Variants in MBOAT2 observed in about 807,000 individuals in gnomAD.
MBOAT2 encodes the protein membrane-bound glycerophospholipid O-acyltransferase 2.
MBOAT2 carries 28 observed loss-of-function variants against 63.4 expected under a neutral mutation model. That is an observed-to-expected ratio of 0.44 (90% confidence interval 0.33 to 0.61). MBOAT2 has a LOEUF of 0.61. Ranked by LOEUF, MBOAT2 falls within the 20% of genes least tolerant of loss-of-function variation. The probability of loss-of-function intolerance (pLI) is 0.03; values close to 1 mark genes in which losing one functional copy is unlikely to be tolerated. For missense variants in MBOAT2, 470 were observed against 605.8 expected, an observed-to-expected ratio of 0.78 and a Z score of 2.35; for synonymous variants, 211 against 215.6, an observed-to-expected ratio of 0.98 and a Z score of 0.19.
chr2:8,896,837 T>TA (rs1664514332), intron 4 of MBOAT2, among the ~76,000 whole-genome samples: 1 of 152,240 alleles, frequency 6.6e-6, no homozygotes, highest in South Asian at 2.1e-4. Context: ...AGGAACCATC[T>TA]ATCTCCTGTC....
At chr2:8,976,046 G>A (rs886096281) in intron 1 of MBOAT2, among the ~76,000 whole-genome samples, 3 of 151,988 alleles carry the variant, frequency 2.0e-5, no homozygotes, top group African/African-American at 7.2e-5. Context: ...TTCCTCCCCA[G>A]ACAACAGCAC....
intron 3 of MBOAT2, among the ~76,000 whole-genome samples, chr2:8,939,989 C>A (rs1342059611): frequency 6.6e-6 from 1 of 152,106 alleles, no homozygotes; most frequent in Non-Finnish European, 1.5e-5. Context: ...TTACTTAAAA[C>A]AGCATGCTCA....
At chr2:8,961,167 G>A (rs1251094780) in intron 1 of MBOAT2, among the ~76,000 whole-genome samples, 1 of 152,138 alleles carries the variant, frequency 6.6e-6, no homozygotes, top group Non-Finnish European at 1.5e-5. Context: ...TGGGCAAAAG[G>A]AATGAACAAT....
chr2:8,956,472 G>T (rs1426499891), intron 2 of MBOAT2, among the ~76,000 whole-genome samples: 1 of 152,162 alleles, frequency 6.6e-6, no homozygotes, highest in Non-Finnish European at 1.5e-5. Context: ...AAGTCGAGCT[G>T]GGCAGACTGC....
chr2:8,956,429 A>C (rs1669227310), intron 2 of MBOAT2, among the ~76,000 whole-genome samples: 1 of 152,244 alleles, frequency 6.6e-6, no homozygotes, highest in Admixed American at 6.5e-5. Flanking sequence ...GGCTGGGCAC[A>C]GTGGCTCATA....
chr2:8,887,388 G>A (rs1305111091), intron 5 of MBOAT2, among the ~76,000 whole-genome samples: 1 of 152,132 alleles, frequency 6.6e-6, no homozygotes, highest in Non-Finnish European at 1.5e-5. Context: ...GACAATAAGA[G>A]GGAAAACCTG....
chr2:8,888,492 T>G (rs1199184228), intron 4 of MBOAT2, among the ~76,000 whole-genome samples: 1 of 152,096 alleles, frequency 6.6e-6, no homozygotes, highest in African/African-American at 2.4e-5. Flanking sequence ...CTCCCTATTC[T>G]AAAAACTAGG....
At chr2:8,894,363 A>C (rs1340741065) in intron 4 of MBOAT2, among the ~76,000 whole-genome samples, 1 of 152,206 alleles carries the variant, frequency 6.6e-6, no homozygotes, top group Non-Finnish European at 1.5e-5. Flanking sequence ...GCTAAACGGA[A>C]TGTTTCCTGT....
intron 1 of MBOAT2, among the ~76,000 whole-genome samples, chr2:8,966,556 T>C (rs1670001878): frequency 6.6e-6 from 1 of 152,172 alleles, no homozygotes; most frequent in Non-Finnish European, 1.5e-5. Context: ...GCAGCTACGT[T>C]TGGAAAACAA....
intron 1 of MBOAT2, among the ~76,000 whole-genome samples, chr2:8,963,262 G>T (rs1403313210): frequency 1.3e-5 from 2 of 151,676 alleles, no homozygotes; most frequent in South Asian, 2.1e-4. Flanking sequence ...GAGGCGGGGG[G>T]GCAGGGGGAG....
intron 1 of MBOAT2, chr2:8,974,257 G>C (rs1670662258): frequency 2.4e-6 from 1 of 411,680 alleles, no homozygotes; most frequent in African/African-American, 2.0e-5. Context: ...ACTAATTCTG[G>C]GAATGTAACT....
intron 1 of MBOAT2, among the ~76,000 whole-genome samples, chr2:8,960,244 G>A (rs1669514256): frequency 6.6e-6 from 1 of 152,056 alleles, no homozygotes; most frequent in African/African-American, 2.4e-5. Context: ...TTAAAACTTT[G>A]TTTCAAGTAT....
chr2:8,962,124 ACT>A lies in MBOAT2; in HGVS notation c.76-3484_76-3483del, dbSNP rs1336554106. Among the ~76,000 whole-genome samples, 11 of 152,092 alleles carry A rather than the reference ACT, an allele frequency of 7.2e-5. No individual in the cohort carries two copies. In the East Asian group the frequency reaches 2.1e-3, roughly 29 times the overall value. ...CTCAGAGGACCCAAGCTGACACAAC[ACT>A]CTAAGCACCTTACATTTATAATCTA... is the stretch of plus-strand genomic sequence containing the variant. On this transcript the variant is annotated intron_variant, in intron 1 of 12. Transcript: ENST00000305997.
chr2:8,961,006 T>G (rs753510404), intron 1 of MBOAT2, among the ~76,000 whole-genome samples: 1 of 152,180 alleles, frequency 6.6e-6, no homozygotes, highest in African/African-American at 2.4e-5. Flanking sequence ...AGTGAGGGCT[T>G]TGTATGCCAC....
At chr2:8,893,578 C>T (rs1273004631) in intron 4 of MBOAT2, among the ~76,000 whole-genome samples, 1 of 152,166 alleles carries the variant, frequency 6.6e-6, no homozygotes, top group African/African-American at 2.4e-5. Context: ...ATAGTAACTG[C>T]CAGAACTGCT....
chr2:8,973,717 A>G (rs1181814294), intron 1 of MBOAT2, among the ~76,000 whole-genome samples: 6 of 152,136 alleles, frequency 3.9e-5, no homozygotes, highest in Admixed American at 3.9e-4. Context: ...TTCATTCCTA[A>G]GAAAAGATGC....
chr2:8,976,810 G>T (rs1290830670), intron 1 of MBOAT2, among the ~76,000 whole-genome samples: 3 of 152,126 alleles, frequency 2.0e-5, no homozygotes, highest in African/African-American at 7.2e-5. Context: ...CTGCACAAGT[G>T]AATCTGGTAT....
chr2:8,906,861 A>AT (rs1441751181), intron 4 of MBOAT2, among the ~76,000 whole-genome samples: 2 of 152,202 alleles, frequency 1.3e-5, no homozygotes, highest in Non-Finnish European at 2.9e-5. Context: ...GCAACAAAAT[A>AT]TTTTTTAATG....
chr2:8,952,455 A>G (rs948804807), intron 2 of MBOAT2, among the ~76,000 whole-genome samples: 7 of 152,218 alleles, frequency 4.6e-5, no homozygotes, highest in South Asian at 2.1e-4. Context: ...AGTGATGACT[A>G]TAAGTACAGA....
Sources: allele counts gnomAD v4.1 joint callset (sites outside exome capture counted in the v4.1 genomes callset), GRCh38; gene constraint gnomAD v4.1.1; transcripts MANE v1.5; gene names NCBI Gene and HGNC (gene_info 2026-07-23, HGNC 2026-07-21).